The following SLC38A1 variants were observed in gnomAD, a reference collection of about 807,000 sequenced individuals.
SLC38A1 encodes sodium-coupled neutral amino acid symporter 1.
A neutral mutation model predicts 60.3 loss-of-function variants in SLC38A1; 18 were observed. That is an observed-to-expected ratio of 0.30 (90% CI 0.21 to 0.44). SLC38A1 has a LOEUF of 0.44. SLC38A1 is among the 20% of genes least tolerant of loss of function. The pLI is 1.00. For missense variants in SLC38A1, 448 were observed against 587.2 expected (o/e 0.76, Z 2.45); for synonymous variants, 196 against 212.1 (o/e 0.92, Z 0.66).
At chr12:46,264,690 A>G (rs1942299093) in intron 1 of SLC38A1, among the ~76,000 whole-genome samples, 1 of 152,040 alleles carries the variant, frequency 6.6e-6, no homozygotes, top group Non-Finnish European at 1.5e-5. Flanking sequence ...AAGTGATGAA[A>G]TCTGAGACTT....
chr12:46,263,603 G>A (rs890277890), intron 1 of SLC38A1, among the ~76,000 whole-genome samples: 2 of 152,108 alleles, frequency 1.3e-5, no homozygotes, highest in South Asian at 4.2e-4. Flanking sequence ...TGACCTGTCT[G>A]TCTCCTGCTC....
intron 5 of SLC38A1, among the ~76,000 whole-genome samples, chr12:46,225,246 G>A (rs1449117118): frequency 6.6e-6 from 1 of 152,096 alleles, no homozygotes; most frequent in Admixed American, 6.6e-5. Flanking sequence ...TAATGGAAGG[G>A]GTGAGCTAAA....
rs896438118 is a variant in SLC38A1, at chr12:46,235,352, C to T, written c.122+4327G>A. ...GAGATGAGTGGTTGAACTTAAATGACCTTTCCTACTCCTTTCTCTGAAATG... is the reference window on the plus strand; with the variant it reads ...GAGATGAGTGGTTGAACTTAAATGATCTTTCCTACTCCTTTCTCTGAAATG... On this transcript the variant is annotated intron_variant, in intron 3 of 16. Coordinates refer to ENST00000398637, the MANE Select transcript of SLC38A1 (RefSeq NM_030674.4). Among the ~76,000 whole-genome samples the T allele has an allele frequency of 8.5e-5, 13 of 152,240 alleles. No individual in the cohort carries two copies. The East Asian group carries it at 1.5e-3, about 18-fold the overall frequency.
intron 5 of SLC38A1, among the ~76,000 whole-genome samples, chr12:46,222,652 G>T (rs771180267): frequency 1.4e-4 from 21 of 152,008 alleles, no homozygotes; most frequent in Non-Finnish European, 2.8e-4. Flanking sequence ...GTTTCCTAGG[G>T]TTAAACTTGG....
intron 5 of SLC38A1, among the ~76,000 whole-genome samples, chr12:46,210,497 T>C (rs1940111140): frequency 6.6e-6 from 1 of 152,238 alleles, no homozygotes; most frequent in Admixed American, 6.5e-5. Flanking sequence ...CATTCAGATC[T>C]ATACTTATTT....
In SLC38A1 at chr12:46,240,848, C is replaced by T. The variant is rs769559997; in HGVS notation, c.-93-955G>A. Among the ~76,000 whole-genome samples the T allele has an allele frequency of 2.6e-5, 4 of 152,254 alleles. No individual in the cohort carries two copies. The East Asian group carries it at 7.7e-4, about 29-fold the overall frequency. On this transcript the variant is annotated intron_variant, in intron 2 of 16. Coordinates refer to ENST00000398637, the MANE Select transcript of SLC38A1 (RefSeq NM_030674.4). ...TATATTACTCATCAGAAATGAAAAACCTCCAGAGTTCACATTTTCTCCCAT... is the reference window on the plus strand; with the variant it reads ...TATATTACTCATCAGAAATGAAAAATCTCCAGAGTTCACATTTTCTCCCAT...
At chr12:46,264,174 G>A (rs903128084) in intron 1 of SLC38A1, among the ~76,000 whole-genome samples, 3 of 152,216 alleles carry the variant, frequency 2.0e-5, no homozygotes, top group Admixed American at 1.3e-4. Flanking sequence ...AAGATTAGCA[G>A]CATGCTTAAT....
At chr12:46,217,664 T>C (rs904801091) in intron 5 of SLC38A1, among the ~76,000 whole-genome samples, 1 of 152,190 alleles carries the variant, frequency 6.6e-6, no homozygotes, top group African/African-American at 2.4e-5. Context: ...AGTAGAAACA[T>C]AATTATTCAG....
intron 3 of SLC38A1, among the ~76,000 whole-genome samples, chr12:46,236,492 T>A (rs1008745987): frequency 2.6e-5 from 4 of 152,172 alleles, no homozygotes; most frequent in Admixed American, 1.3e-4. Flanking sequence ...GGGATGGGAT[T>A]GAGGCTCAGA....
At chr12:46,257,779 C>T (rs539444762) in intron 1 of SLC38A1, among the ~76,000 whole-genome samples, 1 of 152,098 alleles carries the variant, frequency 6.6e-6, no homozygotes, top group African/African-American at 2.4e-5. Context: ...TTACAAGACC[C>T]CAACACTTAC....
chr12:46,218,579 G>A (rs956839944), intron 5 of SLC38A1, among the ~76,000 whole-genome samples: 5 of 152,104 alleles, frequency 3.3e-5, no homozygotes, highest in Admixed American at 1.3e-4. Context: ...CTTAGCCTCC[G>A]TTAATTTTAG....
chr12:46,234,683 G>A (rs191550708), intron 3 of SLC38A1, among the ~76,000 whole-genome samples: 11 of 151,880 alleles, frequency 7.2e-5, no homozygotes, highest in African/African-American at 2.7e-4. Flanking sequence ...TCCTGACCTC[G>A]TGATCCGCCC....
chr12:46,227,333 T>C (rs1208552876), intron 5 of SLC38A1, among the ~76,000 whole-genome samples: 7 of 152,034 alleles, frequency 4.6e-5, no homozygotes, highest in Non-Finnish European at 1.5e-5. Context: ...GAATAATAAA[T>C]GGAATATAGG....
intron 5 of SLC38A1, among the ~76,000 whole-genome samples, chr12:46,214,418 T>G (rs769965246): frequency 7.9e-5 from 12 of 152,230 alleles, no homozygotes; most frequent in Non-Finnish European, 1.5e-4. Flanking sequence ...TTGAATCATA[T>G]TAACAGAATT....
chr12:46,206,182 T>C lies in SLC38A1; in HGVS notation c.564-20A>G. On this transcript the variant is annotated intron_variant, in intron 8 of 16. Coordinates refer to ENST00000398637, the MANE Select transcript of SLC38A1 (RefSeq NM_030674.4). Reference sequence around the variant, plus strand: ...CAGGCTCTGAAAGGCATTTAAGTGATTAGGTTATATTTTTTTAGAAAGTGA... The same window carrying C: ...CAGGCTCTGAAAGGCATTTAAGTGACTAGGTTATATTTTTTTAGAAAGTGA... 1 of 1,507,774 alleles carries C rather than the reference T, an allele frequency of 6.6e-7. No homozygotes were observed. The highest frequency in any genetic ancestry group is 9.1e-7 in the Non-Finnish European group (1 of 1,101,734). 93.4% of individuals were successfully genotyped at this position (1,507,774 alleles called of 1,614,324 possible). A position where few individuals can be genotyped will look rare whatever the true frequency, so the allele number is the denominator to read the frequency against.
intron 1 of SLC38A1, among the ~76,000 whole-genome samples, chr12:46,258,359 G>A (rs1942097578): frequency 6.6e-6 from 1 of 152,094 alleles, no homozygotes; most frequent in Non-Finnish European, 1.5e-5. Flanking sequence ...AAGTAGTTCA[G>A]ATTTTTGATT....
chr12:46,256,611 G>A (rs1487263056), intron 1 of SLC38A1, among the ~76,000 whole-genome samples: 30 of 113,052 alleles, frequency 2.7e-4, no homozygotes, highest in South Asian at 1.2e-3. Context: ...GCGCGCGCGC[G>A]CGCACACACA....
At chr12:46,213,448 T>C (rs1418907389) in intron 5 of SLC38A1, among the ~76,000 whole-genome samples, 1 of 152,246 alleles carries the variant, frequency 6.6e-6, no homozygotes, top group Admixed American at 6.5e-5. Context: ...AACCACTGCA[T>C]CTAACTTCAT....
intron 3 of SLC38A1, among the ~76,000 whole-genome samples, chr12:46,230,792 C>T (rs912762414): frequency 5.3e-5 from 8 of 152,042 alleles, no homozygotes; most frequent in Non-Finnish European, 1.2e-4. Flanking sequence ...AAAGAAAACT[C>T]CAACAGCAGA....
Sources: allele counts gnomAD v4.1 joint callset (sites outside exome capture counted in the v4.1 genomes callset), GRCh38; gene constraint gnomAD v4.1.1; transcripts MANE v1.5; gene names NCBI Gene and HGNC (gene_info 2026-07-23, HGNC 2026-07-21).